The following RAB38 variants were observed in gnomAD, a reference collection of about 807,000 sequenced individuals.
RAB38 encodes RAB38, member RAS oncogene family.
RAB38 carries 15 observed loss-of-function variants against 18.4 expected under a neutral mutation model. The ratio of observed to expected loss-of-function variants is 0.82; its 90% CI spans 0.55 to 1.26. The LOEUF (loss-of-function observed/expected upper bound fraction) is 1.26. Among genes scored for constraint, RAB38 ranks in the 50% most tolerant of loss-of-function variants. The probability of loss-of-function intolerance (pLI) is 0.00; values close to 1 mark genes in which losing one functional copy is unlikely to be tolerated. For missense variants in RAB38, 294 were observed against 267.4 expected, an observed-to-expected ratio of 1.10 and a Z score of -0.69; for synonymous variants, 101 against 104.4, an observed-to-expected ratio of 0.97 and a Z score of 0.20.
chr11:88,005,424 C>T, the RAB38 span, among the ~76,000 whole-genome samples: 2 of 151,216 alleles, frequency 1.3e-5, no homozygotes, highest in South Asian at 2.1e-4. Context: ...CAACTGGAAA[C>T]CCATTTTAAA....
chr11:88,174,667 T>TA (rs1943357607), intron 1 of RAB38, among the ~76,000 whole-genome samples: 1 of 151,294 alleles, frequency 6.6e-6, no homozygotes, highest in Admixed American at 6.6e-5. Flanking sequence ...CAAACTCCTT[T>TA]GTCTTAAGGG....
the RAB38 span, among the ~76,000 whole-genome samples, chr11:88,088,604 G>T: frequency 2.9e-3 from 446 of 151,956 alleles, 1 homozygote; most frequent in African/African-American, 9.6e-3. Flanking sequence ...ATCTGGCTTA[G>T]ATTTCAAGGG....
At chr11:87,865,464 T>A in the RAB38 span, among the ~76,000 whole-genome samples, 1 of 151,704 alleles carries the variant, frequency 6.6e-6, no homozygotes, top group East Asian at 1.9e-4. Context: ...GGCTCATGCG[T>A]ACCTAGAAGT....
chr11:88,061,448 T>C, the RAB38 span, among the ~76,000 whole-genome samples: 73 of 152,356 alleles, frequency 4.8e-4, no homozygotes, highest in African/African-American at 1.7e-3. Flanking sequence ...CCCAGATGTC[T>C]AGAGCCATTA....
the RAB38 span, among the ~76,000 whole-genome samples, chr11:88,094,046 T>G: frequency 6.6e-6 from 1 of 151,926 alleles, no homozygotes; most frequent in Non-Finnish European, 1.5e-5. Context: ...GTGTTTTCTG[T>G]CTTTCCCTGG....
chr11:88,010,408 T>C, the RAB38 span, among the ~76,000 whole-genome samples: 2 of 151,978 alleles, frequency 1.3e-5, no homozygotes, highest in South Asian at 2.1e-4. Flanking sequence ...GATGTATGAA[T>C]AACTGACTGC....
At chr11:87,950,757 T>TG in the RAB38 span, among the ~76,000 whole-genome samples, 2 of 151,530 alleles carry the variant, frequency 1.3e-5, no homozygotes, top group Non-Finnish European at 2.9e-5. Context: ...AGAGATCAGC[T>TG]GTTAGTCTGA....
chr11:87,823,463 C>A, the RAB38 span, among the ~76,000 whole-genome samples: 1 of 151,336 alleles, frequency 6.6e-6, no homozygotes, highest in African/African-American at 2.4e-5. Context: ...TGCTAAAACA[C>A]ATTTTTAAAA....
chr11:87,975,543 C>T, the RAB38 span, among the ~76,000 whole-genome samples: 6 of 151,920 alleles, frequency 3.9e-5, no homozygotes, highest in South Asian at 1.0e-3. Flanking sequence ...TTATGCAAGA[C>T]TATGTATGTT....
At chr11:87,946,392 G>T in the RAB38 span, among the ~76,000 whole-genome samples, 1 of 151,880 alleles carries the variant, frequency 6.6e-6, no homozygotes, top group African/African-American at 2.4e-5. Context: ...CTCTAATTCC[G>T]ATTTTTTTAA....
At chr11:87,906,185 G>A in the RAB38 span, among the ~76,000 whole-genome samples, 1 of 151,894 alleles carries the variant, frequency 6.6e-6, no homozygotes, top group Non-Finnish European at 1.5e-5. Context: ...TAACATGTGA[G>A]AATCAGGAGT....
intron 2 of RAB38, among the ~76,000 whole-genome samples, chr11:88,132,454 G>A (rs888096765): frequency 6.6e-6 from 1 of 152,092 alleles, no homozygotes; most frequent in Admixed American, 6.5e-5. Flanking sequence ...TGAAATAGAT[G>A]TTTTACTTTT....
At chr11:87,857,312 C>T in the RAB38 span, among the ~76,000 whole-genome samples, 4 of 152,070 alleles carry the variant, frequency 2.6e-5, no homozygotes, top group African/African-American at 7.2e-5. Context: ...TGAATAGTGC[C>T]GCAGTGAACA....
intron 2 of RAB38, among the ~76,000 whole-genome samples, chr11:88,130,663 G>C (rs1433345706): frequency 6.6e-6 from 1 of 152,126 alleles, no homozygotes. Context: ...TGGTTCCAAA[G>C]TAAAATGGCT....
At chr11:88,153,560 G>T (rs1333445889) in intron 1 of RAB38, among the ~76,000 whole-genome samples, 1 of 152,012 alleles carries the variant, frequency 6.6e-6, no homozygotes, top group Admixed American at 6.5e-5. Flanking sequence ...CCCTAAATGG[G>T]GATCTCAGTA....
chr11:87,925,461 G>A, the RAB38 span, among the ~76,000 whole-genome samples: 1 of 152,012 alleles, frequency 6.6e-6, no homozygotes, highest in Non-Finnish European at 1.5e-5. Flanking sequence ...TTTTTCTAAG[G>A]ATCTGTACCA....
At chr11:88,146,903 A>C (rs1390733818) in intron 2 of RAB38, among the ~76,000 whole-genome samples, 1 of 152,196 alleles carries the variant, frequency 6.6e-6, no homozygotes, top group Non-Finnish European at 1.5e-5. Flanking sequence ...CTTCTCTTCA[A>C]AGTTCACACT....
At chr11:87,876,921 T>C in the RAB38 span, among the ~76,000 whole-genome samples, 2 of 151,548 alleles carry the variant, frequency 1.3e-5, no homozygotes, top group African/African-American at 2.4e-5. Flanking sequence ...ATAATATAGT[T>C]TCAGTAGAGA....
chr11:88,061,010 TG>T, the RAB38 span, among the ~76,000 whole-genome samples: 1 of 152,174 alleles, frequency 6.6e-6, no homozygotes, highest in East Asian at 1.9e-4. Flanking sequence ...GACAACAATT[TG>T]TTTTTTTAGG....
Sources: allele counts gnomAD v4.1 joint callset (sites outside exome capture counted in the v4.1 genomes callset), GRCh38; gene constraint gnomAD v4.1.1; transcripts MANE v1.5; gene names NCBI Gene and HGNC (gene_info 2026-07-23, HGNC 2026-07-21).